TLE1: variants seen among roughly 807,000 people sequenced by gnomAD.
The protein encoded by TLE1 is transducin-like enhancer protein 1.
In TLE1, 21 loss-of-function variants were observed where a neutral mutation model predicts 89.8. The ratio of observed to expected loss-of-function variants is 0.23; its 90% confidence interval spans 0.17 to 0.34. The LOEUF (loss-of-function observed/expected upper bound fraction) is 0.34, where lower values mean the gene tolerates loss of function less well. TLE1 is among the 10% of genes least tolerant of loss of function. TLE1 has a pLI of 1.00. For synonymous variants in TLE1, 447 were observed against 407.6 expected, an observed-to-expected ratio of 1.10 and a Z score of -1.16; for missense variants, 795 against 1,031.2, an observed-to-expected ratio of 0.77 and a Z score of 3.14.
intron 18 of TLE1, 31 bp downstream of exon 18, chr9:81,585,474 C>A (rs780989156): frequency 6.3e-7 from 1 of 1,596,130 alleles, no homozygotes; most frequent in Admixed American, 1.7e-5. Context: ...GGGCCATCAA[C>A]GGCCTCCAGT....
intron 4 of TLE1, among the ~76,000 whole-genome samples, chr9:81,661,830 G>A (rs1257930486): frequency 6.6e-6 from 1 of 152,060 alleles, no homozygotes; most frequent in African/African-American, 2.4e-5. Flanking sequence ...TTGTAAGTAA[G>A]GTAGGTCATT....
At position 81,652,916 on chromosome 9, in the gene TLE1, C is replaced by G. The variant is rs149364917; in HGVS notation, c.298-628G>C. 1.7e-3 allele frequency among the ~76,000 whole-genome samples: 259 copies of G among 152,270 alleles called. 1 individual carries two copies. Among genetic ancestry groups the G allele is most frequent in the African/African-American group, 6.0e-3 (248 of 41,570 alleles). On this transcript the variant is annotated intron_variant, in intron 5 of 19. Coordinates refer to ENST00000376499, the MANE Select transcript of TLE1 (RefSeq NM_005077.5). Reference sequence around the variant, plus strand: ...GGAAACTCCTGGAATTCCTCTCATTCTTTTATAGCCTTTTGATTCTTTACC... The same window carrying G: ...GGAAACTCCTGGAATTCCTCTCATTGTTTTATAGCCTTTTGATTCTTTACC...
chr9:81,664,239 A>G (rs1321867100), intron 4 of TLE1, among the ~76,000 whole-genome samples: 1 of 151,320 alleles, frequency 6.6e-6, no homozygotes, highest in Non-Finnish European at 1.5e-5. Flanking sequence ...ACACAGCAAG[A>G]CACTGCCTCT....
intron 18 of TLE1, among the ~76,000 whole-genome samples, chr9:81,584,906 T>C (rs902441430): frequency 1.3e-5 from 2 of 152,096 alleles, no homozygotes; most frequent in Non-Finnish European, 2.9e-5. Context: ...TTAAGTAAAA[T>C]GCCAGTCACA....
rs567132012 is a variant in TLE1, at chr9:81,648,286, C to T, written c.372+3928G>A. On this transcript the variant is annotated intron_variant, in intron 6 of 19. Transcript: ENST00000376499. The stretch of plus-strand genomic sequence containing the variant: ...ACACTGTCTCCAAAAAAAAAAAAAA[C>T]CCAAGCATCTTTAGCTCTTCTTTCA... Among the ~76,000 whole-genome samples, 372 of 122,464 alleles carry T rather than the reference C, an allele frequency of 3.0e-3. 3 individuals are homozygous for T. The highest frequency in any genetic ancestry group is 0.011 in the African/African-American group (350 of 32,830). The allele number at this position is 122,464 out of a possible 152,430, so 80.3% of individuals were successfully genotyped here. A position where few individuals can be genotyped will look rare whatever the true frequency, so the allele number is the denominator to read the frequency against.
chr9:81,610,211 G>A lies in TLE1; in HGVS notation c.1331+9C>T. The A allele has an allele frequency of 6.2e-7, 1 of 1,612,348 alleles. No homozygotes were observed. The highest frequency in any genetic ancestry group is 8.5e-7 in the Non-Finnish European group (1 of 1,178,708). ...TTTAAAACAAAACCAAGGTCTTTGA[G>A]GTACTTACGGTTTCCCCCCAGGGAT... is the stretch of plus-strand genomic sequence containing the variant. On this transcript the variant is annotated intron_variant, in intron 14 of 19. Coordinates refer to ENST00000376499, the MANE Select transcript of TLE1 (RefSeq NM_005077.5).
intron 4 of TLE1, among the ~76,000 whole-genome samples, chr9:81,676,581 G>C (rs143703180): frequency 6.6e-6 from 1 of 152,326 alleles, no homozygotes; most frequent in African/African-American, 2.4e-5. Flanking sequence ...TGCAGGAAGA[G>C]AAAGAAGCAG....
At chr9:81,607,092 T>G (rs1406369694) in intron 14 of TLE1, among the ~76,000 whole-genome samples, 1 of 148,650 alleles carries the variant, frequency 6.7e-6, no homozygotes, top group Non-Finnish European at 1.5e-5. Context: ...GAGAGAGAGA[T>G]TTTAATTATT....
intron 4 of TLE1, among the ~76,000 whole-genome samples, chr9:81,662,406 T>TGTGTGTGTGTGTGTGTGTG (rs71359020): frequency 6.9e-6 from 1 of 143,914 alleles, no homozygotes; most frequent in Non-Finnish European, 1.5e-5. Context: ...TGTGTGTGTG[T>TGTGTGTGTGTGTGTGTGTG]TTAAAGGGCC....
At chr9:81,677,692 A>C (rs1258679588) in intron 4 of TLE1, among the ~76,000 whole-genome samples, 2 of 152,170 alleles carry the variant, frequency 1.3e-5, no homozygotes, top group East Asian at 1.9e-4. Context: ...TGGTGCTAAT[A>C]CCAAACCCAG....
intron 14 of TLE1, among the ~76,000 whole-genome samples, chr9:81,596,305 A>G (rs953922300): frequency 1.3e-5 from 2 of 152,172 alleles, no homozygotes; most frequent in Non-Finnish European, 2.9e-5. Context: ...CGGGAAGCCC[A>G]TATGGATGTT....
intron 2 of TLE1, among the ~76,000 whole-genome samples, chr9:81,687,085 A>C (rs1433543786): frequency 6.6e-6 from 1 of 152,232 alleles, no homozygotes; most frequent in Non-Finnish European, 1.5e-5. Context: ...ACTCCTAAAG[A>C]CATGAAAAAG....
chr9:81,627,348 A>G (rs933842523), intron 8 of TLE1, among the ~76,000 whole-genome samples: 1 of 151,296 alleles, frequency 6.6e-6, no homozygotes, highest in Non-Finnish European at 1.5e-5. Context: ...AAGATGCCCT[A>G]TTTTCACTGT....
intron 14 of TLE1, among the ~76,000 whole-genome samples, chr9:81,605,826 A>C (rs1396265912): frequency 6.6e-6 from 1 of 152,184 alleles, no homozygotes; most frequent in African/African-American, 2.4e-5. Flanking sequence ...CTACCATTAG[A>C]GTGAACAGGC....
chr9:81,619,883 A>AT (rs904958244), intron 9 of TLE1, among the ~76,000 whole-genome samples: 4 of 152,188 alleles, frequency 2.6e-5, no homozygotes, highest in African/African-American at 9.6e-5. Flanking sequence ...GGTTTCTTCC[A>AT]TTTTGACCAT....
rs527950399 is a variant in TLE1 at position 81,649,041 on chromosome 9, G to A, written c.372+3173C>T. 1.6e-4 allele frequency among the ~76,000 whole-genome samples: 25 copies of A among 152,232 alleles called. 1 individual carries two copies. Among genetic ancestry groups the A allele is most frequent in the Non-Finnish European group, 3.2e-4 (22 of 68,006 alleles). On this transcript the variant is annotated intron_variant, in intron 6 of 19. Coordinates refer to ENST00000376499, the MANE Select transcript of TLE1 (RefSeq NM_005077.5). ...CATTTAATAGGAAAAGAATTGGTAA[G>A]AAGCAACAGTCAAAAAGTAGGGCTG...
Position 81,661,188 on chromosome 9 carries a change from TTATATATATATGTATTTTTA to T in TLE1, c.235-7172_235-7153del, listed in dbSNP as rs993437231. 8.8e-4 allele frequency among the ~76,000 whole-genome samples: 87 copies of T among 98,972 alleles called. No individual in the cohort carries two copies. In the South Asian group the frequency reaches 8.8e-3, roughly 10 times the overall value. 64.9% of individuals were successfully genotyped at this position (98,972 alleles called of 152,430 possible). A position where few individuals can be genotyped will look rare whatever the true frequency, so the allele number is the denominator to read the frequency against. On this transcript the variant is annotated intron_variant, in intron 4 of 19. Coordinates refer to ENST00000376499, the MANE Select transcript of TLE1 (RefSeq NM_005077.5). Reference sequence around the variant, plus strand: ...CATATATATTTATATATATGTATTTTTATATATATATGTATTTTTATATATATATATATCTTTTTTTCAAG... The same window carrying T: ...CATATATATTTATATATATGTATTTTTATATATATATATCTTTTTTTCAAG...
intron 10 of TLE1, 145 bp downstream of exon 10, chr9:81,616,501 A>G (rs1428445429): frequency 2.7e-6 from 2 of 744,452 alleles, no homozygotes; most frequent in South Asian, 1.7e-5. Context: ...TGCTCCATAC[A>G]TGAGCAACCA....
At chr9:81,615,869 A>G in intron 11 of TLE1, 113 bp downstream of exon 11, 2 of 1,378,822 alleles carry the variant, frequency 1.5e-6, no homozygotes, top group Non-Finnish European at 2.0e-6. Context: ...TTAAACTCTT[A>G]AAAATACAAC....
Sources: gnomAD v4.1 joint callset for allele counts (sites outside exome capture counted in the v4.1 genomes callset) on GRCh38, gnomAD v4.1.1 for gene constraint, MANE v1.5 for transcripts, NCBI Gene and HGNC (gene_info 2026-07-23, HGNC 2026-07-21) for gene names.